The following SH3BP5 variants were observed in gnomAD, a reference collection of about 807,000 sequenced individuals.
SH3BP5 encodes the protein SH3 domain-binding protein 5.
In SH3BP5, 22 loss-of-function variants were observed where a neutral mutation model predicts 43.3. The observed-to-expected ratio is 0.51, with a 90% CI of 0.36 to 0.73. The LOEUF (loss-of-function observed/expected upper bound fraction) is 0.73, where lower values mean the gene tolerates loss of function less well. SH3BP5 is among the 30% of genes least tolerant of loss of function. The pLI, the probability that SH3BP5 is intolerant of heterozygous loss-of-function variation, is 0.00. For synonymous variants in SH3BP5, 255 were observed against 225.8 expected, an observed-to-expected ratio of 1.13 and a Z score of -1.16; for missense variants, 529 against 586.9, an observed-to-expected ratio of 0.90 and a Z score of 1.02.
At chr3:15,278,054 C>T (rs750359111) in intron 3 of SH3BP5, among the ~76,000 whole-genome samples, 20 of 152,246 alleles carry the variant, frequency 1.3e-4, no homozygotes, top group Non-Finnish European at 2.2e-4. Context: ...GCTTCTACCC[C>T]TCGTGCTTCG....
rs187122235 is a variant in SH3BP5 at position 15,312,982 on chromosome 3, G to A, written c.202-8751C>T. 1.5e-3 allele frequency among the ~76,000 whole-genome samples: 233 copies of A among 152,258 alleles called. 1 individual carries two copies. The highest frequency in any genetic ancestry group is 5.1e-3 in the African/African-American group (210 of 41,544). On this transcript the variant is annotated intron_variant, in intron 2 of 8. Transcript: ENST00000383791. ...AGTAAGGCTGGGCACAGTGGCTCAC[G>A]CCTGTAATCCCAGCACTTTGGGAGG...
intron 2 of SH3BP5, among the ~76,000 whole-genome samples, chr3:15,325,708 C>T (rs1698443024): frequency 6.6e-6 from 1 of 152,204 alleles, no homozygotes; most frequent in African/African-American, 2.4e-5. Flanking sequence ...GTAGTAGGTG[C>T]TCAATAAATA....
At chr3:15,320,640 A>T (rs9872140) in intron 2 of SH3BP5, among the ~76,000 whole-genome samples, 21 of 149,678 alleles carry the variant, frequency 1.4e-4, no homozygotes, top group African/African-American at 4.7e-4. Flanking sequence ...ACACACACAC[A>T]CCCCACTACG....
chr3:15,337,230 G>A (rs149422542), upstream of SH3BP5, among the ~76,000 whole-genome samples: 385 of 151,462 alleles, frequency 2.5e-3, 5 homozygotes, highest in East Asian at 0.012. Context: ...GATTATAGGC[G>A]CCTGCCACCA....
intron 2 of SH3BP5, among the ~76,000 whole-genome samples, chr3:15,309,445 T>C (rs1697994638): frequency 6.6e-6 from 1 of 152,200 alleles, no homozygotes. Context: ...TTCACAGGCA[T>C]GATCATATCA....
intron 3 of SH3BP5, among the ~76,000 whole-genome samples, chr3:15,273,841 G>GT (rs113672949): frequency 1.3e-5 from 2 of 152,110 alleles, no homozygotes; most frequent in African/African-American, 2.4e-5. Flanking sequence ...TGGACTGAAT[G>GT]TTTGTGCCCA....
At chr3:15,287,006 C>G (rs1472043527) in intron 3 of SH3BP5, among the ~76,000 whole-genome samples, 2 of 152,310 alleles carry the variant, frequency 1.3e-5, no homozygotes, top group Middle Eastern at 3.4e-3. Context: ...GAACACAGAT[C>G]AAGACTCAGG....
At chr3:15,299,362 G>C (rs1299776016) in intron 3 of SH3BP5, among the ~76,000 whole-genome samples, 1 of 151,998 alleles carries the variant, frequency 6.6e-6, no homozygotes, top group Admixed American at 6.6e-5. Flanking sequence ...ATTGGACTTG[G>C]TTTTCAAGAT....
At chr3:15,339,769 T>A (rs1381539761) in intron 1 of SH3BP5, 2 of 151,444 alleles carry the variant, frequency 1.3e-5, no homozygotes, top group African/African-American at 4.9e-5. Flanking sequence ...CGGCAGCACA[T>A]ATACTAAAAT....
At chr3:15,321,932 C>T (rs907425225) in intron 2 of SH3BP5, among the ~76,000 whole-genome samples, 25 of 152,138 alleles carry the variant, frequency 1.6e-4, no homozygotes, top group African/African-American at 5.6e-4. Flanking sequence ...GGGCCAGGCA[C>T]GGTGGCTCAT....
chr3:15,338,329 A>T (rs1250890993), intron 1 of SH3BP5, among the ~76,000 whole-genome samples: 1 of 152,220 alleles, frequency 6.6e-6, no homozygotes, highest in African/African-American at 2.4e-5. Flanking sequence ...GACAACAGAT[A>T]GGGACCCTGT....
At chr3:15,291,659 G>GT (rs1262173058) in intron 3 of SH3BP5, among the ~76,000 whole-genome samples, 42 of 152,294 alleles carry the variant, frequency 2.8e-4, no homozygotes, top group African/African-American at 9.9e-4. Flanking sequence ...TTAGTGTAAA[G>GT]GGTGTAGTTC....
intron 3 of SH3BP5, among the ~76,000 whole-genome samples, chr3:15,288,587 G>A (rs898359964): frequency 6.6e-6 from 1 of 152,164 alleles, no homozygotes; most frequent in East Asian, 1.9e-4. Flanking sequence ...GTGAAAACCC[G>A]TCTCTACTAA....
At chr3:15,307,980 C>T (rs1184144620) in intron 2 of SH3BP5, among the ~76,000 whole-genome samples, 3 of 152,200 alleles carry the variant, frequency 2.0e-5, no homozygotes, top group Non-Finnish European at 2.9e-5. Context: ...GTGTAGTAAA[C>T]GTCAGGGAAA....
intron 3 of SH3BP5, among the ~76,000 whole-genome samples, chr3:15,274,343 C>T (rs551076825): frequency 6.6e-6 from 1 of 152,060 alleles, no homozygotes; most frequent in Non-Finnish European, 1.5e-5. Flanking sequence ...GCAGGCTGTA[C>T]AAGAAGCCTG....
upstream of SH3BP5, chr3:15,332,666 G>T: frequency 2.6e-6 from 3 of 1,144,062 alleles, no homozygotes; most frequent in Non-Finnish European, 3.2e-6. Context: ...CCGGCCTCGC[G>T]TTCCGCCGCC....
intron 2 of SH3BP5, among the ~76,000 whole-genome samples, chr3:15,309,723 T>C (rs1159269705): frequency 6.6e-6 from 1 of 152,156 alleles, no homozygotes; most frequent in Non-Finnish European, 1.5e-5. Flanking sequence ...TGACTATCTG[T>C]ACTAAGTGTG....
rs1426613914 is a variant in SH3BP5, at chr3:15,254,378, A to G, written c.*1708T>C. On this transcript the variant is annotated 3_prime_UTR_variant, in exon 9 of 9. Transcript: ENST00000383791. Reference sequence around the variant, plus strand: ...TTTTTCTCCACAGCATGCTTTAATAATGAAATGCGGATTAAGAGTCCAATA... The same window carrying G: ...TTTTTCTCCACAGCATGCTTTAATAGTGAAATGCGGATTAAGAGTCCAATA... The G allele has an allele frequency of 2.0e-5, 3 of 152,240 alleles. No homozygotes were observed. The highest frequency in any genetic ancestry group is 7.2e-5 in the African/African-American group (3 of 41,462). The allele number at this position is 152,240 out of a possible 1,614,324, so 9.4% of individuals were successfully genotyped here.
intron 3 of SH3BP5, among the ~76,000 whole-genome samples, chr3:15,272,750 T>C (rs1696852586): frequency 6.6e-6 from 1 of 152,196 alleles, no homozygotes; most frequent in East Asian, 1.9e-4. Context: ...ATCAAATTTT[T>C]AAAAAGGACT....
Sources: gnomAD v4.1 joint callset for allele counts (sites outside exome capture counted in the v4.1 genomes callset) on GRCh38, gnomAD v4.1.1 for gene constraint, MANE v1.5 for transcripts, NCBI Gene and HGNC (gene_info 2026-07-23, HGNC 2026-07-21) for gene names.